The following EVC variants were observed in gnomAD, a reference collection of about 807,000 sequenced individuals.
The protein encoded by EVC is EvC ciliary complex subunit 1, also known as evC complex member EVC.
EVC carries 116 observed loss-of-function variants against 118.9 expected under a neutral mutation model. The observed-to-expected ratio is 0.98, with a 90% CI of 0.84 to 1.14. EVC has a LOEUF of 1.14. EVC is among the 50% of genes most tolerant of loss of function. EVC has a pLI of 0.00. For synonymous variants in EVC, 619 were observed against 534.7 expected (o/e 1.16, Z -2.18); for missense variants, 1,401 against 1,246.4 (o/e 1.12, Z -1.87).
At position 5,738,337 on chromosome 4, in the gene EVC, A is replaced by G. The variant is rs1021693833; in HGVS notation, c.703-3379A>G. On this transcript the variant is annotated intron_variant, in intron 5 of 20. Transcript: ENST00000264956. The surrounding 1 kb of genome is among the most constrained non-coding windows in gnomAD (Gnocchi z 6.5). ...AATGACAAAAAGGATTTAGAATACT[A>G]TGTAAACTTATTTGATAAAGCAGCT... Among the ~76,000 whole-genome samples, 4 of 152,220 alleles carry G rather than the reference A, an allele frequency of 2.6e-5. No homozygotes were observed. Among genetic ancestry groups the G allele is most frequent in the Non-Finnish European group, 5.9e-5 (4 of 68,038 alleles).
chr4:5,739,914 A>AG (rs1431997512), intron 5 of EVC, among the ~76,000 whole-genome samples: 1 of 151,392 alleles, frequency 6.6e-6, no homozygotes, highest in Non-Finnish European at 1.5e-5. Flanking sequence ...AAAAAAAAAA[A>AG]AGCCTTACCG....
At chr4:5,824,458 C>T in the EVC span, 2 of 985,358 alleles carry the variant, frequency 2.0e-6, no homozygotes, top group Non-Finnish European at 2.4e-6. Flanking sequence ...GTTCTGCCAC[C>T]ACACAATCTG....
At chr4:5,825,126 C>G in the EVC span, 2 of 985,416 alleles carry the variant, frequency 2.0e-6, no homozygotes, top group Non-Finnish European at 2.4e-6. This position sits in a 1 kb window ranked among gnomAD's most constrained non-coding sequence, Gnocchi z 4.4. Flanking sequence ...GAGCACATGC[C>G]CTGCAAATGG....
chr4:5,805,399 G>T (rs985101753), intron 17 of EVC, among the ~76,000 whole-genome samples: 17 of 152,184 alleles, frequency 1.1e-4, no homozygotes, highest in Non-Finnish European at 2.2e-4. Context: ...GAGCGAAGGG[G>T]CCCGCCGACC....
rs554152436 is a variant in EVC at position 5,765,221 on chromosome 4, G to T, written c.1563+8859G>T. Among the ~76,000 whole-genome samples, 24 of 117,850 alleles carry T rather than the reference G, an allele frequency of 2.0e-4. 9 individuals are homozygous for T. Among genetic ancestry groups the T allele is most frequent in the African/African-American group, 7.9e-4 (24 of 30,376 alleles). The allele number at this position is 117,850 out of a possible 152,430, so 77.3% of individuals were successfully genotyped here. ...CATGTAGTTGAGCGGTTTTGAGTGAGACTCTTAATCCTGAGTTCTAGTTTG... is the reference window on the plus strand; with the variant it reads ...CATGTAGTTGAGCGGTTTTGAGTGATACTCTTAATCCTGAGTTCTAGTTTG... On this transcript the variant is annotated intron_variant, in intron 11 of 20. Coordinates refer to ENST00000264956, the MANE Select transcript of EVC (RefSeq NM_153717.3).
the EVC span, chr4:5,821,654 C>T: frequency 9.6e-7 from 1 of 1,044,716 alleles, no homozygotes; most frequent in Non-Finnish European, 1.4e-6. The surrounding 1 kb of genome is among the most constrained non-coding windows in gnomAD (Gnocchi z 4.4). Context: ...CTTCCCCCTC[C>T]CTCCATCAGC....
chr4:5,782,366 T>C (rs116290711), intron 11 of EVC, among the ~76,000 whole-genome samples: 13,373 of 149,094 alleles, frequency 0.09, 649 homozygotes, highest in Middle Eastern at 0.24. Flanking sequence ...TGAGCCACCA[T>C]GCGCAGCTAT....
intron 18 of EVC, among the ~76,000 whole-genome samples, chr4:5,808,541 C>T (rs1716382626): frequency 6.6e-6 from 1 of 152,280 alleles, no homozygotes; most frequent in South Asian, 2.1e-4. Context: ...TGGATCCCTA[C>T]AGCAGCTGCA....
At chr4:5,772,559 G>A (rs939075639) in intron 11 of EVC, among the ~76,000 whole-genome samples, 1 of 151,930 alleles carries the variant, frequency 6.6e-6, no homozygotes, top group Non-Finnish European at 1.5e-5. Flanking sequence ...CCTTAATCTG[G>A]CCCATCATGA....
At chr4:5,804,295 A>C (rs546220223) in intron 16 of EVC, among the ~76,000 whole-genome samples, 1 of 152,216 alleles carries the variant, frequency 6.6e-6, no homozygotes, top group Non-Finnish European at 1.5e-5. Flanking sequence ...TTAACCTGCA[A>C]ACAAGAAGGA....
rs553767633 is a variant in EVC at position 5,746,648 on chromosome 4, T to C, written c.939+1307T>C. Reference sequence around the variant, plus strand: ...CGGTGGTCCACAGAACCCCCAACGCTGTGTGCAGTATCTTGTCCATGTCTG... The same window carrying C: ...CGGTGGTCCACAGAACCCCCAACGCCGTGTGCAGTATCTTGTCCATGTCTG... On this transcript the variant is annotated intron_variant, in intron 7 of 20. Coordinates refer to ENST00000264956, the MANE Select transcript of EVC (RefSeq NM_153717.3). This position sits in a 1 kb window ranked among gnomAD's most constrained non-coding sequence, Gnocchi z 5.8. Among the ~76,000 whole-genome samples, 17 of 152,268 alleles carry C rather than the reference T, an allele frequency of 1.1e-4. No individual in the cohort carries two copies. The South Asian group carries it at 2.7e-3, about 24-fold the overall frequency.
intron 11 of EVC, among the ~76,000 whole-genome samples, chr4:5,773,810 T>A (rs1734334019): frequency 6.6e-6 from 1 of 152,060 alleles, no homozygotes; most frequent in Admixed American, 6.5e-5. Flanking sequence ...TCACCTGTGC[T>A]CTCCAGGACC....
intron 11 of EVC, among the ~76,000 whole-genome samples, chr4:5,770,038 CAG>C (rs2152205222): frequency 6.6e-6 from 1 of 152,194 alleles, no homozygotes; most frequent in African/African-American, 2.4e-5. Flanking sequence ...AGACTAAAGT[CAG>C]CCAAGGGAGA....
At chr4:5,753,090 G>C in intron 9 of EVC, 38 bp downstream of exon 9, 2 of 1,531,684 alleles carry the variant, frequency 1.3e-6, no homozygotes, top group Non-Finnish European at 1.8e-6. Flanking sequence ...CCACAACACT[G>C]GCCTTCTGGG....
the EVC span, chr4:5,824,992 C>T: frequency 1.0e-6 from 1 of 985,360 alleles, no homozygotes; most frequent in Non-Finnish European, 1.2e-6. Context: ...CTTGGGGCTT[C>T]CGTTTCCTCT....
In EVC at chr4:5,783,570, G is replaced by C. The variant is rs144252684; in HGVS notation, c.1582G>C (p.Val528Leu). 2.5e-6 allele frequency: 4 copies of C among 1,614,020 alleles called. No individual in the cohort carries two copies. The highest frequency in any genetic ancestry group is 2.5e-6 in the Non-Finnish European group (3 of 1,180,016). Residue 528 changes from valine to leucine, a missense_variant, in exon 12 of 21, where the codon GTG becomes CTG. Val to Leu is a conservative substitution (Grantham distance 32). Transcript: ENST00000264956. Reference protein sequence around the residue: ...ALCQELYFSTVDTFQKFVDAL... With the variant: ...ALCQELYFSTLDTFQKFVDAL... ...GCTCCAGGAGCTGTACTTCAGCACC[G>C]TGGACACTTTCCAGAAGTTCGTGGA...
chr4:5,759,293 G>A (rs1469350620), intron 11 of EVC, among the ~76,000 whole-genome samples: 2 of 152,126 alleles, frequency 1.3e-5, no homozygotes, highest in African/African-American at 2.4e-5. Flanking sequence ...CCAGACTACA[G>A]TGTAAATGCT....
chr4:5,720,311 C>T (rs1225839134), intron 2 of EVC, among the ~76,000 whole-genome samples: 4 of 152,146 alleles, frequency 2.6e-5, no homozygotes, highest in Admixed American at 1.3e-4. Context: ...TCAGCAGCCA[C>T]GTGAGGCTGA....
At chr4:5,770,976 C>T (rs1020135070) in intron 11 of EVC, among the ~76,000 whole-genome samples, 12 of 151,604 alleles carry the variant, frequency 7.9e-5, no homozygotes, top group African/African-American at 2.9e-4. Context: ...CGCACCATTG[C>T]ACTCCAGCCT....
Sources: gnomAD v4.1 joint callset for allele counts (sites outside exome capture counted in the v4.1 genomes callset) on GRCh38, gnomAD v4.1.1 for gene constraint, Gnocchi (gnomAD v3.1) non-coding constraint, MANE v1.5 for transcripts, NCBI Gene and HGNC (gene_info 2026-07-23, HGNC 2026-07-21) for gene names.